CNOT4: variants seen among roughly 807,000 people sequenced by gnomAD.
The protein encoded by CNOT4 is CCR4-associated factor 4.
Under a neutral mutation model 73.8 loss-of-function variants are expected in CNOT4, and 8 were observed. The ratio of observed to expected loss-of-function variants is 0.11; its 90% CI spans 0.06 to 0.20. CNOT4 has a LOEUF of 0.20. Among genes scored for constraint, CNOT4 ranks in the 10% least tolerant of loss-of-function variants. CNOT4 has a pLI of 1.00. For synonymous variants in CNOT4, 293 were observed against 321.1 expected (o/e 0.91, Z 0.94); for missense variants, 564 against 883.4 (o/e 0.64, Z 4.58).
At chr7:135,453,911 G>GT (rs1226373915) in intron 1 of CNOT4, among the ~76,000 whole-genome samples, 1 of 142,634 alleles carries the variant, frequency 7.0e-6, no homozygotes, top group Non-Finnish European at 1.5e-5. Flanking sequence ...GCCAAGGCAG[G>GT]TGGATCGCTT....
rs1316979992 is a variant in CNOT4 at position 135,497,144 on chromosome 7, A to G, written c.-93+12745T>C. Among the ~76,000 whole-genome samples, 4 of 151,848 alleles carry G rather than the reference A, an allele frequency of 2.6e-5. No homozygotes were observed. The East Asian group carries it at 7.9e-4, about 30-fold the overall frequency. ...CTCATAGGGTCAGGCATGGTGGCTC[A>G]CGCCTATAATCCCAGCACTTTGGGA... On this transcript the variant is annotated intron_variant, in intron 1 of 11. Transcript: ENST00000541284.
intron 1 of CNOT4, among the ~76,000 whole-genome samples, chr7:135,493,398 G>T (rs1030191116): frequency 2.6e-5 from 4 of 152,266 alleles, no homozygotes; most frequent in African/African-American, 9.6e-5. Context: ...AGAAAAAAAT[G>T]AAATATTTAA....
At chr7:135,450,884 G>GA (rs1800116661) in intron 1 of CNOT4, among the ~76,000 whole-genome samples, 1 of 152,064 alleles carries the variant, frequency 6.6e-6, no homozygotes, top group Non-Finnish European at 1.5e-5. Context: ...TTGAACCCAG[G>GA]AGGCAGAGGT....
chr7:135,362,598 AG>A lies in CNOT4; in HGVS notation c.*286del, dbSNP rs1794696523. On this transcript the variant is annotated 3_prime_UTR_variant, in exon 12 of 12. Transcript: ENST00000541284. ...GCAACAGACAAACAATAATTTTCTA[AG>A]TATTGAGACTGCCCTTTGATTTTTT... The A allele has an allele frequency of 3.7e-6, 2 of 534,922 alleles. No individual in the cohort carries two copies. Among genetic ancestry groups the A allele is most frequent in the Non-Finnish European group, 6.7e-6 (2 of 297,326 alleles). The allele number at this position is 534,922 out of a possible 1,614,324, so 33.1% of individuals were successfully genotyped here. A position where few individuals can be genotyped will look rare whatever the true frequency, so the allele number is the denominator to read the frequency against.
intron 1 of CNOT4, among the ~76,000 whole-genome samples, chr7:135,450,929 C>T (rs1800120068): frequency 6.6e-6 from 1 of 151,902 alleles, no homozygotes. Context: ...TGCACTCCAG[C>T]CTAGGTGACA....
At position 135,494,400 on chromosome 7, in the gene CNOT4, G is replaced by A. The variant is rs550881421; in HGVS notation, c.-93+15489C>T. 5.3e-5 allele frequency among the ~76,000 whole-genome samples: 8 copies of A among 150,352 alleles called. 2 individuals are homozygous for A. The South Asian group carries it at 1.7e-3, about 32-fold the overall frequency. The stretch of plus-strand genomic sequence containing the variant: ...CAGGTGAATAGCTTGAACCCAGGAG[G>A]TGGAGGTTTCAGGGAGCCGAGATCG... On this transcript the variant is annotated intron_variant, in intron 1 of 11. Coordinates refer to ENST00000541284, the MANE Select transcript of CNOT4 (RefSeq NM_001190850.2).
intron 1 of CNOT4, among the ~76,000 whole-genome samples, chr7:135,495,668 T>A (rs1389288644): frequency 7.1e-5 from 4 of 56,500 alleles, no homozygotes; most frequent in African/African-American, 8.3e-5. Context: ...AGACCCTGTG[T>A]CAAAAAAAAA....
At chr7:135,464,281 C>A (rs1801085131) in intron 1 of CNOT4, among the ~76,000 whole-genome samples, 2 of 152,146 alleles carry the variant, frequency 1.3e-5, no homozygotes, top group South Asian at 4.1e-4. Context: ...CACGTGGAAT[C>A]AACCTAAATG....
At chr7:135,427,762 ATT>A (rs201028406) in intron 2 of CNOT4, among the ~76,000 whole-genome samples, 1 of 151,400 alleles carries the variant, frequency 6.6e-6, no homozygotes, top group African/African-American at 2.4e-5. Flanking sequence ...CAACATAAAA[ATT>A]TTTTTTTTCT....
intron 10 of CNOT4, among the ~76,000 whole-genome samples, chr7:135,366,497 A>G (rs1794922482): frequency 6.6e-6 from 1 of 152,344 alleles, no homozygotes. Context: ...AAATTCACAT[A>G]TGGCGCATGA....
chr7:135,389,150 A>G (rs1265804890), intron 10 of CNOT4, among the ~76,000 whole-genome samples: 1 of 134,996 alleles, frequency 7.4e-6, no homozygotes, highest in Non-Finnish European at 1.6e-5. Flanking sequence ...GATTATAAAC[A>G]TACTACCAAA....
chr7:135,412,165 T>C (rs1797621328), intron 6 of CNOT4, among the ~76,000 whole-genome samples: 1 of 151,940 alleles, frequency 6.6e-6, no homozygotes, highest in Non-Finnish European at 1.5e-5. Context: ...CTTCAGGAGA[T>C]ACGGCTTTCA....
intron 7 of CNOT4, among the ~76,000 whole-genome samples, chr7:135,403,659 G>A (rs1278007504): frequency 6.6e-6 from 1 of 152,070 alleles, no homozygotes; most frequent in Non-Finnish European, 1.5e-5. Flanking sequence ...AACCTAGAAC[G>A]ATTGTAGTTG....
At chr7:135,473,619 C>T (rs947576838) in intron 1 of CNOT4, among the ~76,000 whole-genome samples, 22 of 152,014 alleles carry the variant, frequency 1.4e-4, no homozygotes, top group Non-Finnish European at 2.4e-4. Context: ...TGACGGTGCA[C>T]GCCTGTAGTC....
intron 7 of CNOT4, among the ~76,000 whole-genome samples, chr7:135,402,402 C>T (rs920134767): frequency 6.6e-6 from 1 of 152,086 alleles, no homozygotes; most frequent in Admixed American, 6.5e-5. Context: ...AGCCACGGCA[C>T]CTGGCTGAGA....
intron 1 of CNOT4, among the ~76,000 whole-genome samples, chr7:135,468,296 T>C (rs1801352077): frequency 6.6e-6 from 1 of 152,142 alleles, no homozygotes; most frequent in Non-Finnish European, 1.5e-5. Context: ...CCTAAGGTCA[T>C]ATTTTGAATA....
rs570311456 is a variant in CNOT4, at chr7:135,491,608, A to G, written c.-93+18281T>C. ...AGTGGTAGGGGCAAAGCCTGATTAG[A>G]ACAGGCTTAAGAGAGAACATGAGAA... is the stretch of plus-strand genomic sequence containing the variant. On this transcript the variant is annotated intron_variant, in intron 1 of 11. Transcript: ENST00000541284. Among the ~76,000 whole-genome samples, 4 of 152,378 alleles carry G rather than the reference A, an allele frequency of 2.6e-5. No homozygotes were observed. In the East Asian group the frequency reaches 7.7e-4, roughly 29 times the overall value.
intron 1 of CNOT4, among the ~76,000 whole-genome samples, chr7:135,500,107 A>T (rs1425966150): frequency 2.0e-5 from 3 of 152,212 alleles, no homozygotes; most frequent in African/African-American, 7.2e-5. Flanking sequence ...GGTTCATGGC[A>T]TTATGATAGG....
rs1275304889 is a variant in CNOT4, at chr7:135,415,266, TA to T, written c.373-5del. 61 of 1,486,494 alleles carry T rather than the reference TA, an allele frequency of 4.1e-5. No homozygotes were observed. Among genetic ancestry groups the T allele is most frequent in the Non-Finnish European group, 5.6e-5 (60 of 1,065,208 alleles). 92.1% of individuals were successfully genotyped at this position (1,486,494 alleles called of 1,614,324 possible). A position where few individuals can be genotyped will look rare whatever the true frequency, so the allele number is the denominator to read the frequency against. ...AATATTCTGGTCGTTTTAAAACCTA[TA>T]AAAGAAGAAGAAATAAGGTATAAAC... On this transcript the variant is annotated splice_region_variant and splice_polypyrimidine_tract_variant and intron_variant, in intron 3 of 11. Coordinates refer to ENST00000541284, the MANE Select transcript of CNOT4 (RefSeq NM_001190850.2).
Sources: allele counts gnomAD v4.1 joint callset (sites outside exome capture counted in the v4.1 genomes callset), GRCh38; gene constraint gnomAD v4.1.1; transcripts MANE v1.5; gene names NCBI Gene and HGNC (gene_info 2026-07-23, HGNC 2026-07-21).